Variants in PPIL6 observed in about 807,000 individuals in gnomAD.
PPIL6 encodes the protein probable inactive peptidyl-prolyl cis-trans isomerase-like 6.
In PPIL6, 39 loss-of-function variants were observed where a neutral mutation model predicts 36.8. The ratio of observed to expected loss-of-function variants is 1.06; its 90% confidence interval spans 0.82 to 1.38. The LOEUF is 1.38. Ranked by LOEUF, PPIL6 falls within the 40% of genes most tolerant of loss-of-function variation. The pLI is 0.00. For synonymous variants in PPIL6, 123 were observed against 134.1 expected (o/e 0.92, Z 0.57); for missense variants, 368 against 379.1 (o/e 0.97, Z 0.24).
chr6:109,438,139 A>G (rs577304108), intron 1 of PPIL6, among the ~76,000 whole-genome samples: 200 of 152,258 alleles, frequency 1.3e-3, no homozygotes, highest in Middle Eastern at 3.4e-3. Flanking sequence ...TATACTTATC[A>G]TTAGCATATC....
Position 109,392,722 on chromosome 6 carries a change from C to T in PPIL6, c.*104G>A, listed in dbSNP as rs964281323. The T allele has an allele frequency of 2.9e-6, 2 of 681,444 alleles. No individual in the cohort carries two copies. The highest frequency in any genetic ancestry group is 4.9e-6 in the Non-Finnish European group (2 of 409,592). 42.2% of individuals were successfully genotyped at this position (681,444 alleles called of 1,614,324 possible). A position where few individuals can be genotyped will look rare whatever the true frequency, so the allele number is the denominator to read the frequency against. On this transcript the variant is annotated 3_prime_UTR_variant, in exon 8 of 8. Coordinates refer to ENST00000521072, the MANE Select transcript of PPIL6 (RefSeq NM_173672.5). ...AGATGAGGCAACCTACAGTGTCTGC[C>T]ACGGCTTTCAAATTACAATTTATCA... is the stretch of plus-strand genomic sequence containing the variant.
chr6:109,439,690 G>C (rs148226848), intron 1 of PPIL6, among the ~76,000 whole-genome samples: 2 of 152,172 alleles, frequency 1.3e-5, no homozygotes, highest in African/African-American at 4.8e-5. Context: ...TACTTCGGGA[G>C]TTAAAAACAT....
intron 6 of PPIL6, among the ~76,000 whole-genome samples, chr6:109,414,626 A>G (rs1286218207): frequency 6.6e-6 from 1 of 151,678 alleles, no homozygotes; most frequent in East Asian, 1.9e-4. Context: ...CTAGGATTAC[A>G]GGTGTGTGCC....
chr6:109,395,708 G>A (rs1370054744), intron 7 of PPIL6, among the ~76,000 whole-genome samples: 13 of 150,588 alleles, frequency 8.6e-5, no homozygotes, highest in Non-Finnish European at 1.5e-4. Context: ...AGGTTCAAGC[G>A]ATTCTCCTGC....
intron 7 of PPIL6, among the ~76,000 whole-genome samples, chr6:109,397,223 T>C (rs998145891): frequency 2.7e-5 from 4 of 145,750 alleles, no homozygotes; most frequent in African/African-American, 7.5e-5. Flanking sequence ...AATAGCAGAA[T>C]AGAAGGAGGG....
chr6:109,415,657 A>G (rs1288746381), intron 6 of PPIL6, among the ~76,000 whole-genome samples: 1 of 152,180 alleles, frequency 6.6e-6, no homozygotes, highest in African/African-American at 2.4e-5. Flanking sequence ...GATGGCTTTC[A>G]TGGCTTTTTC....
chr6:109,420,306 C>T (rs1773473455), intron 5 of PPIL6, among the ~76,000 whole-genome samples: 1 of 121,356 alleles, frequency 8.2e-6, no homozygotes, highest in Non-Finnish European at 1.6e-5. Flanking sequence ...GCACTCCAGC[C>T]TGGGCGACAG....
intron 3 of PPIL6, among the ~76,000 whole-genome samples, chr6:109,429,121 G>A (rs1193803344): frequency 6.6e-6 from 1 of 152,154 alleles, no homozygotes; most frequent in Non-Finnish European, 1.5e-5. Flanking sequence ...TATTCAGGAA[G>A]AAAAGTCCAC....
In PPIL6 at chr6:109,400,212, T is replaced by C. The variant is rs369702329; in HGVS notation, c.689-42A>G. On this transcript the variant is annotated intron_variant, in intron 6 of 7. Coordinates refer to ENST00000521072, the MANE Select transcript of PPIL6 (RefSeq NM_173672.5). ...TCAGTAGGTCATTAGCACATTTCTATTATCTCAATTTATTGTAACATATAA... is the reference window on the plus strand; with the variant it reads ...TCAGTAGGTCATTAGCACATTTCTACTATCTCAATTTATTGTAACATATAA... 11 of 1,527,028 alleles carry C rather than the reference T, an allele frequency of 7.2e-6. No individual in the cohort carries two copies. In the African/African-American group the frequency reaches 1.4e-4, roughly 19 times the overall value. The allele number at this position is 1,527,028 out of a possible 1,614,324, so 94.6% of individuals were successfully genotyped here.
intron 6 of PPIL6, among the ~76,000 whole-genome samples, chr6:109,414,457 A>C (rs1264031962): frequency 1.9e-5 from 2 of 103,786 alleles, no homozygotes; most frequent in African/African-American, 7.0e-5. Context: ...GTCTTGTATC[A>C]TTTTCTTAAT....
At chr6:109,439,227 T>C (rs1226167940) in intron 1 of PPIL6, among the ~76,000 whole-genome samples, 1 of 152,264 alleles carries the variant, frequency 6.6e-6, no homozygotes, top group Non-Finnish European at 1.5e-5. Context: ...ACTTTGTAAT[T>C]AACTTCATGG....
chr6:109,402,740 G>T (rs1381031556), intron 6 of PPIL6, among the ~76,000 whole-genome samples: 1 of 152,180 alleles, frequency 6.6e-6, no homozygotes, highest in African/African-American at 2.4e-5. Flanking sequence ...ACGACTGTGT[G>T]TGGATTCTCT....
chr6:109,394,575 T>C (rs1001082228), intron 7 of PPIL6, among the ~76,000 whole-genome samples: 5 of 152,064 alleles, frequency 3.3e-5, no homozygotes, highest in African/African-American at 1.2e-4. Context: ...AGGGTGCAAC[T>C]TCCATCTCAT....
Position 109,440,542 on chromosome 6 carries a change from G to A in PPIL6, c.49C>T (p.Pro17Ser). The change falls in exon 1 of 8, where the codon CCG (proline) becomes TCG (serine). Residue 17 changes from proline (P) to serine (S), a missense_variant. Physicochemically the swap from Pro to Ser is moderately conservative, Grantham distance 74. Coordinates refer to ENST00000521072, the MANE Select transcript of PPIL6 (RefSeq NM_173672.5). ...TGCAGCGGCCGCTCCGGCAGCGACG[G>A]CGAGCCGCACCTAGCGTGCGGGGGC... is the stretch of plus-strand genomic sequence containing the variant. ...CGPPHARCGSPSLPERPLQVK... is the reference protein window; with the variant it reads ...CGPPHARCGSSSLPERPLQVK... 1 of 1,488,652 alleles carries A rather than the reference G, an allele frequency of 6.7e-7. No individual in the cohort carries two copies. The highest frequency in any genetic ancestry group is 8.9e-7 in the Non-Finnish European group (1 of 1,121,748). The allele number at this position is 1,488,652 out of a possible 1,614,324, so 92.2% of individuals were successfully genotyped here.
At chr6:109,417,017 T>A (rs898613883) in intron 6 of PPIL6, among the ~76,000 whole-genome samples, 4 of 151,788 alleles carry the variant, frequency 2.6e-5, no homozygotes, top group East Asian at 1.9e-4. Context: ...ATCTTTTTTT[T>A]AAAATTAGCC....
intron 7 of PPIL6, among the ~76,000 whole-genome samples, chr6:109,395,968 G>A (rs1016304310): frequency 2.6e-5 from 4 of 151,730 alleles, no homozygotes; most frequent in African/African-American, 9.7e-5. Flanking sequence ...AAGTAGCTGG[G>A]ACTACAGGCG....
chr6:109,414,423 A>G (rs913259543), intron 6 of PPIL6, among the ~76,000 whole-genome samples: 27 of 143,662 alleles, frequency 1.9e-4, no homozygotes, highest in African/African-American at 6.4e-4. Flanking sequence ...TTTTTTTCTA[A>G]TTCTGATTTA....
At chr6:109,396,866 T>C (rs575619686) in intron 7 of PPIL6, among the ~76,000 whole-genome samples, 26 of 152,076 alleles carry the variant, frequency 1.7e-4, no homozygotes, top group Admixed American at 1.3e-3. Flanking sequence ...ACCTGGAAAC[T>C]GGGCTTGGAA....
chr6:109,440,644 C>T (rs938530098), upstream of PPIL6: 1,208 of 1,175,018 alleles, frequency 1.0e-3, 1 homozygote, highest in Non-Finnish European at 1.2e-3. Flanking sequence ...GCTCCGGCAA[C>T]CGCGCGGCCC....
Sources: allele counts gnomAD v4.1 joint callset (sites outside exome capture counted in the v4.1 genomes callset), GRCh38; gene constraint gnomAD v4.1.1; transcripts MANE v1.5; gene names NCBI Gene and HGNC (gene_info 2026-07-23, HGNC 2026-07-21).